The following KIAA1217 variants were observed in gnomAD, a reference collection of about 807,000 sequenced individuals.
The protein encoded by KIAA1217 is sickle tail protein homolog.
Under a neutral mutation model 163.9 loss-of-function variants are expected in KIAA1217, and 88 were observed. The observed-to-expected ratio is 0.54, with a 90% CI of 0.45 to 0.64. The LOEUF (loss-of-function observed/expected upper bound fraction) is 0.64, where lower values mean the gene tolerates loss of function less well. Among genes scored for constraint, KIAA1217 ranks in the 30% least tolerant of loss-of-function variants. The pLI is 0.00. For missense variants in KIAA1217, 2,372 were observed against 2,475.0 expected, an observed-to-expected ratio of 0.96 and a Z score of 0.88; for synonymous variants, 903 against 923.1, an observed-to-expected ratio of 0.98 and a Z score of 0.39.
chr10:23,962,064 G>C (rs537044776), intron 1 of KIAA1217, among the ~76,000 whole-genome samples: 3 of 152,192 alleles, frequency 2.0e-5, no homozygotes, highest in East Asian at 1.9e-4. Context: ...GGCTTTAAAC[G>C]TAAGAATGTT....
Position 23,914,973 on chromosome 10 carries a change from A to T in KIAA1217, c.-320-92252A>T, listed in dbSNP as rs531336041. 2.0e-5 allele frequency among the ~76,000 whole-genome samples: 3 copies of T among 152,240 alleles called. No homozygotes were observed. The South Asian group carries it at 6.2e-4, about 32-fold the overall frequency. ...CTAGATCTATTGATTTATTGAAGAA[A>T]TAAGATCTATCTGCAGGAATGCCTA... On this transcript the variant is annotated intron_variant, in intron 1 of 18. Coordinates refer to the KIAA1217 transcript ENST00000376462.
intron 1 of KIAA1217, among the ~76,000 whole-genome samples, chr10:23,860,089 G>C (rs143879970): frequency 6.6e-6 from 1 of 152,184 alleles, no homozygotes; most frequent in Non-Finnish European, 1.5e-5. Context: ...CCTGCCCCTC[G>C]TACGTTCTGA....
chr10:23,947,103 T>C, intron 1 of KIAA1217, among the ~76,000 whole-genome samples: 1 of 152,220 alleles, frequency 6.6e-6, no homozygotes, highest in Non-Finnish European at 1.5e-5. Flanking sequence ...ATTGTAAGTT[T>C]CCTGAGGCCT....
intron 1 of KIAA1217, among the ~76,000 whole-genome samples, chr10:23,871,494 C>A (rs1160166288): frequency 1.3e-5 from 2 of 152,044 alleles, no homozygotes; most frequent in Admixed American, 6.6e-5. Flanking sequence ...TAGTCAAGTT[C>A]TTTGATGGAA....
chr10:23,991,568 T>G (rs1846220445), intron 1 of KIAA1217, among the ~76,000 whole-genome samples: 1 of 152,192 alleles, frequency 6.6e-6, no homozygotes. Flanking sequence ...GGATTTGAAC[T>G]GGACTGTAAA....
intron 2 of KIAA1217, among the ~76,000 whole-genome samples, chr10:24,176,278 A>G (rs1438531885): frequency 6.6e-6 from 1 of 152,200 alleles, no homozygotes; most frequent in African/African-American, 2.4e-5. Flanking sequence ...TGGTGCATTT[A>G]CAAACCTTCA....
At position 24,524,379 on chromosome 10, in the gene KIAA1217, T is replaced by A. The variant is rs570304674; in HGVS notation, c.2513T>A (p.Met838Lys). The change falls in exon 13 of 21, where the codon ATG becomes AAG. Residue 838 changes from methionine to lysine, a missense_variant. Met to Lys is a moderately conservative substitution (Grantham distance 95). Coordinates refer to ENST00000376454, the MANE Select transcript of KIAA1217 (RefSeq NM_019590.5). ...GACGCAGCCCAAGCCGCACAGTACA[T>A]GGCTATGGAAAAGGCCACAGCCGCA... ...GTDAAQAAQY[M>K]AMEKATAAEV... The A allele has an allele frequency of 1.9e-6, 3 of 1,614,174 alleles. No homozygotes were observed. The highest frequency in any genetic ancestry group is 8.5e-7 in the Non-Finnish European group (1 of 1,180,026).
chr10:24,506,292 C>A (rs1040422903), intron 9 of KIAA1217, among the ~76,000 whole-genome samples: 2 of 152,154 alleles, frequency 1.3e-5, no homozygotes, highest in Non-Finnish European at 2.9e-5. Flanking sequence ...TGCTAGACAG[C>A]AAAATCAGTC....
In KIAA1217 at chr10:24,105,406, A is replaced by G. The variant is rs191415154; in HGVS notation, c.-171+98032A>G. On this transcript the variant is annotated intron_variant, in intron 2 of 18. Transcript: ENST00000376462. Reference sequence around the variant, plus strand: ...AGCCAGGATGTACTGGGAGATATTCATGTATCAAAGGTAGCAGCTTTTTAA... The same window carrying G: ...AGCCAGGATGTACTGGGAGATATTCGTGTATCAAAGGTAGCAGCTTTTTAA... Among the ~76,000 whole-genome samples, 9 of 152,318 alleles carry G rather than the reference A, an allele frequency of 5.9e-5. No homozygotes were observed. The East Asian group carries it at 1.7e-3, about 29-fold the overall frequency.
intron 1 of KIAA1217, among the ~76,000 whole-genome samples, chr10:23,982,234 A>G (rs1036907769): frequency 3.9e-5 from 6 of 152,218 alleles, no homozygotes; most frequent in Non-Finnish European, 7.3e-5. Context: ...TGTTAAAGAA[A>G]GAAACTGGGT....
intron 2 of KIAA1217, among the ~76,000 whole-genome samples, chr10:24,364,242 G>C (rs1463725288): frequency 6.6e-6 from 1 of 151,766 alleles, no homozygotes; most frequent in Non-Finnish European, 1.5e-5. Context: ...GCCTCCCAAA[G>C]TGCTGGGATT....
chr10:23,867,547 C>T (rs1328628160), intron 1 of KIAA1217, among the ~76,000 whole-genome samples: 1 of 152,184 alleles, frequency 6.6e-6, no homozygotes, highest in Non-Finnish European at 1.5e-5. Context: ...GCCATTCTAA[C>T]TGGTGTGAGA....
chr10:24,007,384 A>G (rs1395997171), intron 2 of KIAA1217: 1 of 152,160 alleles, frequency 6.6e-6, no homozygotes, highest in African/African-American at 2.4e-5. Flanking sequence ...GGTAAGGTCT[A>G]TCTTTTTATT....
chr10:23,952,663 G>A lies in KIAA1217; in HGVS notation c.-320-54562G>A, dbSNP rs147017916. ...TTATTTCACCTTCGTGAGCCTCAGCGTCCTAACCTGTAAAATGGGAATGGT... is the reference window on the plus strand; with the variant it reads ...TTATTTCACCTTCGTGAGCCTCAGCATCCTAACCTGTAAAATGGGAATGGT... On this transcript the variant is annotated intron_variant, in intron 1 of 18. Coordinates refer to the KIAA1217 transcript ENST00000376462. 5.6e-4 allele frequency among the ~76,000 whole-genome samples: 85 copies of A among 152,264 alleles called. No homozygotes were observed. The East Asian group carries it at 0.012, about 22-fold the overall frequency.
intron 1 of KIAA1217, among the ~76,000 whole-genome samples, chr10:23,708,844 G>A (rs1201618305): frequency 4.6e-5 from 7 of 152,178 alleles, no homozygotes; most frequent in Admixed American, 3.3e-4. Context: ...GCCAGACAGA[G>A]GTGGAGAGTT....
intron 11 of KIAA1217, among the ~76,000 whole-genome samples, chr10:24,520,687 C>CA (rs71472810): frequency 1.5e-4 from 12 of 81,480 alleles, no homozygotes; most frequent in African/African-American, 1.6e-4. Flanking sequence ...CACACACACA[C>CA]AAAAAAAAAT....
chr10:24,030,062 T>A (rs1047777586), intron 2 of KIAA1217, among the ~76,000 whole-genome samples: 1 of 152,146 alleles, frequency 6.6e-6, no homozygotes, highest in Non-Finnish European at 1.5e-5. Flanking sequence ...GAGTGGGCCA[T>A]TATCTAACCC....
rs1442869756 is a variant in KIAA1217, at chr10:23,695,706, A to C, written c.-321+472A>C. ...GCAAGGAGAGAGAGAACCGGCCCCG[A>C]GACGGGCTGGAGGGTGGGGACACTG... On this transcript the variant is annotated intron_variant, in intron 1 of 18. Transcript: ENST00000376462. The surrounding 1 kb of genome is among the most constrained non-coding windows in gnomAD (Gnocchi z 4.9). Among the ~76,000 whole-genome samples, 1 of 152,082 alleles carries C rather than the reference A, an allele frequency of 6.6e-6. No homozygotes were observed. Among genetic ancestry groups the C allele is most frequent in the Admixed American group, 6.5e-5 (1 of 15,274 alleles).
At chr10:23,747,429 G>T (rs978711182) in intron 1 of KIAA1217, among the ~76,000 whole-genome samples, 7 of 152,134 alleles carry the variant, frequency 4.6e-5, no homozygotes, top group Non-Finnish European at 1.0e-4. Flanking sequence ...TCAGGAGAGA[G>T]ATAAAGACTG....
Sources: allele counts gnomAD v4.1 joint callset (sites outside exome capture counted in the v4.1 genomes callset), GRCh38; gene constraint gnomAD v4.1.1; non-coding constraint Gnocchi (gnomAD v3.1); transcripts MANE v1.5; gene names NCBI Gene and HGNC (gene_info 2026-07-23, HGNC 2026-07-21).